The following MYO1C variants were observed in gnomAD, a reference collection of about 807,000 sequenced individuals.
The protein encoded by MYO1C is myosin IC.
MYO1C carries 104 observed loss-of-function variants against 150.8 expected under a neutral mutation model. The ratio of observed to expected loss-of-function variants is 0.69; its 90% CI spans 0.59 to 0.81. MYO1C has a LOEUF of 0.81. MYO1C is among the 30% of genes least tolerant of loss of function. The pLI, the probability that MYO1C is intolerant of heterozygous loss-of-function variation, is 0.00. For missense variants in MYO1C, 1,504 were observed against 1,435.0 expected (o/e 1.05, Z -0.78); for synonymous variants, 663 against 579.9 (o/e 1.14, Z -2.06).
Position 1,465,620 on chromosome 17 carries a change from G to A in MYO1C, c.*106C>T. 1 of 1,177,110 alleles carries A rather than the reference G, an allele frequency of 8.5e-7. No homozygotes were observed. The highest frequency in any genetic ancestry group is 1.1e-6 in the Non-Finnish European group (1 of 892,620). The allele number at this position is 1,177,110 out of a possible 1,614,324, so 72.9% of individuals were successfully genotyped here. On this transcript the variant is annotated 3_prime_UTR_variant, in exon 32 of 32. Coordinates refer to ENST00000648651, the MANE Select transcript of MYO1C (RefSeq NM_001080779.2). The stretch of plus-strand genomic sequence containing the variant: ...GTGGGAGATTGCAGGTGGGCTTCGG[G>A]GTGTCCCTGGGTCCCTGTCTGGAAG...
At position 1,478,309 on chromosome 17, in the gene MYO1C, C is replaced by G; in HGVS notation, c.1295+101G>C. 5 of 1,565,912 alleles carry G rather than the reference C, an allele frequency of 3.2e-6. No individual in the cohort carries two copies. In the South Asian group the frequency reaches 3.3e-5, roughly 10 times the overall value. The stretch of plus-strand genomic sequence containing the variant: ...TGAGAAACACAGAGACAGTCCCCGG[C>G]TGGCTGGGGAGTCACAGGGCAGGAA... On this transcript the variant is annotated intron_variant, in intron 11 of 31. Coordinates refer to ENST00000648651, the MANE Select transcript of MYO1C (RefSeq NM_001080779.2). This position sits in a 1 kb window ranked among gnomAD's most constrained non-coding sequence, Gnocchi z 6.3.
At position 1,479,543 on chromosome 17, in the gene MYO1C, AGCCCCC is replaced by A. The variant is rs748732830; in HGVS notation, c.1020+43_1021-42del. ...GAGGACACGGTGAGGGTGCACCCCC[AGCCCCC>A]GCCCCCGCCGTCCTCCCGTCGCCCT... On this transcript the variant is annotated intron_variant, in intron 8 of 31. Transcript: ENST00000648651. The surrounding 1 kb of genome is among the most constrained non-coding windows in gnomAD (Gnocchi z 4.2). The A allele has an allele frequency of 4.7e-5, 45 of 955,444 alleles. No individual in the cohort carries two copies. Among genetic ancestry groups the A allele is most frequent in the Non-Finnish European group, 5.6e-5 (34 of 606,016 alleles). 59.2% of individuals were successfully genotyped at this position (955,444 alleles called of 1,614,324 possible).
Position 1,479,808 on chromosome 17 carries a change from G to T in MYO1C, c.907-103C>A. ...CAGGGGTGGGTGGTGAAGTGTCGGAGAGAAGGGGCTGGAAGTGGGAATGGG... is the reference window on the plus strand; with the variant it reads ...CAGGGGTGGGTGGTGAAGTGTCGGATAGAAGGGGCTGGAAGTGGGAATGGG... On this transcript the variant is annotated intron_variant, in intron 7 of 31. Transcript: ENST00000648651. This position sits in a 1 kb window ranked among gnomAD's most constrained non-coding sequence, Gnocchi z 4.2. 1 of 791,764 alleles carries T rather than the reference G, an allele frequency of 1.3e-6. No individual in the cohort carries two copies. Among genetic ancestry groups the T allele is most frequent in the South Asian group, 1.6e-5 (1 of 64,148 alleles). 49.0% of individuals were successfully genotyped at this position (791,764 alleles called of 1,614,324 possible). A position where few individuals can be genotyped will look rare whatever the true frequency, so the allele number is the denominator to read the frequency against.
In MYO1C at chr17:1,479,841, G is replaced by A. The variant is rs1010003949; in HGVS notation, c.907-136C>T. The A allele has an allele frequency of 3.0e-6, 2 of 660,202 alleles. No individual in the cohort carries two copies. The highest frequency in any genetic ancestry group is 5.3e-6 in the Non-Finnish European group (2 of 373,860). 40.9% of individuals were successfully genotyped at this position (660,202 alleles called of 1,614,324 possible). On this transcript the variant is annotated intron_variant, in intron 7 of 31. Transcript: ENST00000648651. This position sits in a 1 kb window ranked among gnomAD's most constrained non-coding sequence, Gnocchi z 4.2. ...GCTGGAAGTGGGAATGGGTGTTAAAGGTGGAAGGTGATTCTGCGGGTGGGA... is the reference window on the plus strand; with the variant it reads ...GCTGGAAGTGGGAATGGGTGTTAAAAGTGGAAGGTGATTCTGCGGGTGGGA...
chr17:1,470,659 A>C lies in MYO1C; in HGVS notation c.2243T>G (p.Phe748Cys). ...CCGGAGGAATTTCTGCCGCCAGTGA[A>C]AGCCCCTCCAGGCAGCTTGGATCTT... ...ATKIQAAWRG[F>C]HWRQKFLRVK... The change falls in exon 22 of 32, where the codon TTT (phenylalanine) becomes TGT (cysteine). Residue 748 changes from phenylalanine to cysteine, a missense_variant. Phe to Cys is a radical substitution (Grantham distance 205). Transcript: ENST00000648651. 6.2e-7 allele frequency: 1 copy of C among 1,610,000 alleles called. No homozygotes were observed. Among genetic ancestry groups the C allele is most frequent in the Non-Finnish European group, 8.5e-7 (1 of 1,179,808 alleles).
rs769481481 is a variant in MYO1C at position 1,479,055 on chromosome 17, C to T, written c.1093-320G>A. On this transcript the variant is annotated intron_variant, in intron 9 of 31. Transcript: ENST00000648651. This position sits in a 1 kb window ranked among gnomAD's most constrained non-coding sequence, Gnocchi z 4.2. ...TTGAGACAGAGTCTAGCTCTGTTGC[C>T]GTGATCTCGGCTCACTGCAACCTCC... Among the ~76,000 whole-genome samples the T allele has an allele frequency of 2.6e-5, 4 of 152,102 alleles. No homozygotes were observed. The highest frequency in any genetic ancestry group is 6.5e-5 in the Admixed American group (1 of 15,268).
At chr17:1,485,800 C>CCTGCCCCCCGCA in intron 1 of MYO1C, 1 of 644,150 alleles carries the variant, frequency 1.6e-6, no homozygotes, top group Non-Finnish European at 2.0e-6. Context: ...CGAGGGAGGG[C>CCTGCCCCCCGCA]CCGCCCCCCG....
chr17:1,469,420 G>A (rs923438703), intron 25 of MYO1C, 111 bp downstream of exon 25: 3 of 1,061,040 alleles, frequency 2.8e-6, no homozygotes, highest in African/African-American at 1.6e-5. Flanking sequence ...GGTAGAACGC[G>A]GTAAATACGG....
chr17:1,469,494 C>A lies in MYO1C; in HGVS notation c.2610+37G>T, dbSNP rs537488141. 10 of 1,513,616 alleles carry A rather than the reference C, an allele frequency of 6.6e-6. No homozygotes were observed. The Admixed American group carries it at 1.5e-4, about 23-fold the overall frequency. The allele number at this position is 1,513,616 out of a possible 1,614,324, so 93.8% of individuals were successfully genotyped here. A position where few individuals can be genotyped will look rare whatever the true frequency, so the allele number is the denominator to read the frequency against. ...GAGCAATGCTTGCGACTCCCTGACT[C>A]CACTTCCTCATCCTCACCCAGCCCC... is the stretch of plus-strand genomic sequence containing the variant. On this transcript the variant is annotated intron_variant, in intron 25 of 31. Transcript: ENST00000648651.
At position 1,468,302 on chromosome 17, in the gene MYO1C, T is replaced by C. The variant is rs1210962682; in HGVS notation, c.2711A>G (p.Asp904Gly). The change falls in exon 27 of 32, where the codon GAT becomes GGT. Residue 904 changes from aspartate (D) to glycine (G), a missense_variant. Physicochemically the swap from Asp to Gly is moderately conservative, Grantham distance 94 (BLOSUM62 -1). Transcript: ENST00000648651. ...RLFISTRLGT[D>G]EISPRVLQAL... Reference sequence around the variant, plus strand: ...CTGCAGCACTCGGGGGCTGATCTCATCTGTACCTGCAACTCAGATGGCGGG... The same window carrying C: ...CTGCAGCACTCGGGGGCTGATCTCACCTGTACCTGCAACTCAGATGGCGGG... 6.2e-7 allele frequency: 1 copy of C among 1,613,926 alleles called. No homozygotes were observed. Among genetic ancestry groups the C allele is most frequent in the East Asian group, 2.2e-5 (1 of 44,850 alleles).
rs2074155727 is a variant in MYO1C at position 1,465,721 on chromosome 17, C to T, written c.*5G>A. On this transcript the variant is annotated 3_prime_UTR_variant, in exon 32 of 32. Transcript: ENST00000648651. ...GGCGTTGGGAGGGTCCAGTGGGCGCCTTTATCACCGAGAATTCAGCCGTGG... is the reference window on the plus strand; with the variant it reads ...GGCGTTGGGAGGGTCCAGTGGGCGCTTTTATCACCGAGAATTCAGCCGTGG... The T allele has an allele frequency of 1.5e-6, 2 of 1,324,900 alleles. No homozygotes were observed. Among genetic ancestry groups the T allele is most frequent in the African/African-American group, 3.0e-5 (2 of 66,390 alleles). The allele number at this position is 1,324,900 out of a possible 1,614,324, so 82.1% of individuals were successfully genotyped here. A position where few individuals can be genotyped will look rare whatever the true frequency, so the allele number is the denominator to read the frequency against.
rs1054929720 is a variant in MYO1C at position 1,485,459 on chromosome 17, C to G, written c.76-1156G>C. The G allele has an allele frequency of 1.8e-5, 13 of 718,360 alleles. No individual in the cohort carries two copies. In the African/African-American group the frequency reaches 2.3e-4, roughly 13 times the overall value. 44.5% of individuals were successfully genotyped at this position (718,360 alleles called of 1,614,324 possible). A position where few individuals can be genotyped will look rare whatever the true frequency, so the allele number is the denominator to read the frequency against. ...GCCGCGGTCCCCGCCCCCTCGCCCT[C>G]GGGTCAGGGGTCTCCGCGTTCTCAG... is the stretch of plus-strand genomic sequence containing the variant. On this transcript the variant is annotated intron_variant, in intron 1 of 31. Coordinates refer to ENST00000648651, the MANE Select transcript of MYO1C (RefSeq NM_001080779.2).
In MYO1C at chr17:1,468,578, A is replaced by G. The variant is rs112109784; in HGVS notation, c.2611-82T>C. 119 of 1,145,008 alleles carry G rather than the reference A, an allele frequency of 1.0e-4. No individual in the cohort carries two copies. The African/African-American group carries it at 1.6e-3, about 16-fold the overall frequency. The allele number at this position is 1,145,008 out of a possible 1,614,324, so 70.9% of individuals were successfully genotyped here. A position where few individuals can be genotyped will look rare whatever the true frequency, so the allele number is the denominator to read the frequency against. ...GGCAGAGCCAGCCTTAGGACCTGAG[A>G]CAGCCTCCCTCACCCGCTTGCTGGT... On this transcript the variant is annotated intron_variant, in intron 25 of 31. Transcript: ENST00000648651.
intron 21 of MYO1C, 62 bp from the exon 22 acceptor site, chr17:1,470,751 CGT>C: frequency 6.6e-7 from 1 of 1,516,136 alleles, no homozygotes; most frequent in African/African-American, 1.4e-5. Context: ...AGCCTGGTGC[CGT>C]GTGCGCTCCA....
chr17:1,472,689 T>C (rs965970397), intron 17 of MYO1C, among the ~76,000 whole-genome samples: 23 of 152,232 alleles, frequency 1.5e-4, no homozygotes, highest in Admixed American at 1.2e-3. Flanking sequence ...GTAGCAGGTG[T>C]ATGCCTGTGG....
In MYO1C at chr17:1,483,733, C is replaced by T. The variant is rs565398167; in HGVS notation, c.232-8G>A. On this transcript the variant is annotated splice_region_variant and splice_polypyrimidine_tract_variant and intron_variant, in intron 2 of 31. Coordinates refer to ENST00000648651, the MANE Select transcript of MYO1C (RefSeq NM_001080779.2). ...GACGGGGCCAATGTAGGTCTGGGAT[C>T]GGGGGAAGAGGGTCCAAAGTTTATC... 15 of 1,599,438 alleles carry T rather than the reference C, an allele frequency of 9.4e-6. No homozygotes were observed. Among genetic ancestry groups the T allele is most frequent in the East Asian group, 2.2e-5 (1 of 44,474 alleles).
At chr17:1,487,479 C>T (rs971881392) in intron 1 of MYO1C, among the ~76,000 whole-genome samples, 3 of 152,156 alleles carry the variant, frequency 2.0e-5, no homozygotes, top group Non-Finnish European at 2.9e-5. Flanking sequence ...TGCAACAACC[C>T]GGCCGGAGCG....
At chr17:1,466,384 G>A (rs2074171640) in intron 31 of MYO1C, among the ~76,000 whole-genome samples, 1 of 151,962 alleles carries the variant, frequency 6.6e-6, no homozygotes, top group African/African-American at 2.4e-5. Context: ...AGGGTAGAGT[G>A]TAATGGCGCA....
rs762707399 is a variant in MYO1C, at chr17:1,475,753, T to C, written c.1575-721A>G. Among the ~76,000 whole-genome samples, 7 of 152,230 alleles carry C rather than the reference T, an allele frequency of 4.6e-5. No individual in the cohort carries two copies. In the South Asian group the frequency reaches 6.2e-4, roughly 14 times the overall value. On this transcript the variant is annotated intron_variant, in intron 14 of 31. Coordinates refer to ENST00000648651, the MANE Select transcript of MYO1C (RefSeq NM_001080779.2). ...AGCTAACCAGAGACACGGACAAAGA[T>C]TGAAGGCACGGAGATGTTTGTGGCA...
Sources: gnomAD v4.1 joint callset for allele counts (sites outside exome capture counted in the v4.1 genomes callset) on GRCh38, gnomAD v4.1.1 for gene constraint, Gnocchi (gnomAD v3.1) non-coding constraint, MANE v1.5 for transcripts, NCBI Gene and HGNC (gene_info 2026-07-23, HGNC 2026-07-21) for gene names.